SLC24A2: variants seen among roughly 807,000 people sequenced by gnomAD.
SLC24A2 encodes the protein sodium/potassium/calcium exchanger 2.
In SLC24A2, 36 loss-of-function variants were observed where a neutral mutation model predicts 62.0. The observed-to-expected ratio is 0.58, with a 90% confidence interval of 0.44 to 0.77. SLC24A2 has a LOEUF of 0.77. Among genes scored for constraint, SLC24A2 ranks in the 30% least tolerant of loss-of-function variants. The pLI is 0.00. For missense variants in SLC24A2, 846 were observed against 817.9 expected (o/e 1.03, Z -0.42); for synonymous variants, 358 against 294.0 (o/e 1.22, Z -2.23).
At chr9:20,201,929 G>A in the SLC24A2 span, among the ~76,000 whole-genome samples, 1 of 152,020 alleles carries the variant, frequency 6.6e-6, no homozygotes, top group Non-Finnish European at 1.5e-5. Context: ...TTGACTGGAA[G>A]AGTAAGAAAA....
intron 2 of SLC24A2, among the ~76,000 whole-genome samples, chr9:19,722,969 G>T (rs909819415): frequency 6.6e-6 from 1 of 152,200 alleles, no homozygotes; most frequent in Middle Eastern, 3.4e-3. Flanking sequence ...GGTCACCTCT[G>T]AAAGTAATGA....
the SLC24A2 span, among the ~76,000 whole-genome samples, chr9:20,248,446 T>G: frequency 6.6e-6 from 1 of 152,248 alleles, no homozygotes; most frequent in African/African-American, 2.4e-5. Flanking sequence ...CGCCAACAGA[T>G]CTAGTTTATG....
intron 3 of SLC24A2, among the ~76,000 whole-genome samples, chr9:19,620,669 G>C (rs534415966): frequency 1.4e-4 from 21 of 152,212 alleles, no homozygotes; most frequent in Non-Finnish European, 2.6e-4. Flanking sequence ...AGGAACTGCT[G>C]TCTCCCCGTG....
At chr9:19,979,350 T>C in the SLC24A2 span, among the ~76,000 whole-genome samples, 1 of 152,158 alleles carries the variant, frequency 6.6e-6, no homozygotes, top group Non-Finnish European at 1.5e-5. Context: ...ACATTTTGAA[T>C]AGCAAGGGAA....
chr9:19,845,180 A>G, the SLC24A2 span, among the ~76,000 whole-genome samples: 2 of 152,022 alleles, frequency 1.3e-5, no homozygotes, highest in Non-Finnish European at 2.9e-5. Flanking sequence ...TTTGTCATCT[A>G]TGATTTGTTT....
chr9:19,533,439 C>T (rs1311159998), intron 8 of SLC24A2, among the ~76,000 whole-genome samples: 2 of 152,216 alleles, frequency 1.3e-5, no homozygotes, highest in Non-Finnish European at 2.9e-5. Flanking sequence ...CTCTTCGAAT[C>T]TGGGCTGGCC....
chr9:19,736,682 A>C, intron 2 of SLC24A2, among the ~76,000 whole-genome samples: 1 of 152,076 alleles, frequency 6.6e-6, no homozygotes. Flanking sequence ...TCTAAAAATA[A>C]AAGTAAAAAT....
chr9:19,911,375 C>T, the SLC24A2 span, among the ~76,000 whole-genome samples: 1 of 152,116 alleles, frequency 6.6e-6, no homozygotes, highest in Non-Finnish European at 1.5e-5. Context: ...CCGCAATAAA[C>T]ATACGTGTGC....
chr9:20,007,131 T>C, the SLC24A2 span, among the ~76,000 whole-genome samples: 32 of 152,302 alleles, frequency 2.1e-4, 1 homozygote, highest in Admixed American at 2.1e-3. Context: ...TTTACTAGAA[T>C]TATGCCCACA....
the SLC24A2 span, among the ~76,000 whole-genome samples, chr9:20,200,643 C>T: frequency 2.0e-5 from 3 of 152,188 alleles, no homozygotes; most frequent in African/African-American, 7.2e-5. Flanking sequence ...ACATTGCTAG[C>T]ATCCTTCTTG....
chr9:20,145,606 T>C, the SLC24A2 span, among the ~76,000 whole-genome samples: 6 of 42,150 alleles, frequency 1.4e-4, no homozygotes, highest in African/African-American at 6.0e-4. Flanking sequence ...CATGTATGTG[T>C]GTGTGTGTGT....
At chr9:20,177,509 G>A in the SLC24A2 span, among the ~76,000 whole-genome samples, 27,391 of 151,944 alleles carry the variant, frequency 0.18, 2,611 homozygotes, top group East Asian at 0.23. Context: ...AGGAATTTAG[G>A]TAGAGGTGTT....
chr9:19,521,159 T>C, intron 9 of SLC24A2, 99 bp from the exon 10 acceptor site: 1 of 1,034,184 alleles, frequency 9.7e-7, no homozygotes, highest in East Asian at 2.6e-5. Flanking sequence ...TGCATTTCTA[T>C]ACTGTGCTAT....
the SLC24A2 span, among the ~76,000 whole-genome samples, chr9:20,136,326 T>C: frequency 3.3e-5 from 5 of 152,000 alleles, no homozygotes; most frequent in African/African-American, 1.2e-4. Flanking sequence ...AAATGAGTAC[T>C]AAGAGGATTC....
intron 2 of SLC24A2, among the ~76,000 whole-genome samples, chr9:19,701,417 G>A (rs564157660): frequency 2.8e-4 from 42 of 152,290 alleles, no homozygotes; most frequent in Non-Finnish European, 3.4e-4. Context: ...GTCCACAACC[G>A]GTAGGAGTTG....
the SLC24A2 span, among the ~76,000 whole-genome samples, chr9:19,907,774 C>A: frequency 6.6e-6 from 1 of 152,158 alleles, no homozygotes; most frequent in East Asian, 1.9e-4. Context: ...ACCCAACTTA[C>A]AAGGGATTTG....
the SLC24A2 span, among the ~76,000 whole-genome samples, chr9:20,013,531 C>T: frequency 6.6e-6 from 1 of 152,122 alleles, no homozygotes; most frequent in African/African-American, 2.4e-5. Context: ...ACTTCAAAAG[C>T]ACAGGCAACA....
intron 2 of SLC24A2, among the ~76,000 whole-genome samples, chr9:19,651,551 C>A (rs573601216): frequency 8.5e-4 from 113 of 133,150 alleles, no homozygotes; most frequent in African/African-American, 2.9e-3. Flanking sequence ...GGGAACCCCC[C>A]ACGCCCACCA....
the SLC24A2 span, among the ~76,000 whole-genome samples, chr9:19,797,733 C>A: frequency 6.6e-6 from 1 of 152,166 alleles, no homozygotes; most frequent in Non-Finnish European, 1.5e-5. Context: ...AGGTAGCTTA[C>A]CCTTATCTTC....
Sources: allele counts gnomAD v4.1 joint callset (sites outside exome capture counted in the v4.1 genomes callset), GRCh38; gene constraint gnomAD v4.1.1; transcripts MANE v1.5; gene names NCBI Gene and HGNC (gene_info 2026-07-23, HGNC 2026-07-21).